MTX3: variants seen among roughly 807,000 people sequenced by gnomAD.
MTX3 encodes metaxin-3.
Under a neutral mutation model 42.5 loss-of-function variants are expected in MTX3, and 27 were observed. The ratio of observed to expected loss-of-function variants is 0.64; its 90% confidence interval spans 0.47 to 0.88. The LOEUF is 0.88. Ranked by LOEUF, MTX3 falls within the 40% of genes least tolerant of loss-of-function variation. The pLI is 0.00. For missense variants in MTX3, 378 were observed against 367.0 expected (o/e 1.03, Z -0.25); for synonymous variants, 144 against 132.9 (o/e 1.08, Z -0.57).
chr5:79,989,640 AT>A (rs1831581936), intron 3 of MTX3, among the ~76,000 whole-genome samples: 1 of 152,152 alleles, frequency 6.6e-6, no homozygotes, highest in Non-Finnish European at 1.5e-5. Flanking sequence ...TATTGACACA[AT>A]TTTTTTAAGT....
chr5:79,986,191 TC>T (rs984762156), intron 7 of MTX3, among the ~76,000 whole-genome samples: 1 of 152,200 alleles, frequency 6.6e-6, no homozygotes, highest in African/African-American at 2.4e-5. Flanking sequence ...TGTCAAATAA[TC>T]AGGTTTGCTA....
At chr5:79,991,090 G>A (rs1208797950) in intron 1 of MTX3, 68 bp downstream of exon 1, 2 of 1,443,048 alleles carry the variant, frequency 1.4e-6, no homozygotes, top group South Asian at 1.2e-5. Flanking sequence ...GGGAAACTGG[G>A]GCAAGTCAGC....
intron 1 of MTX3, 33 bp from the exon 2 acceptor site, chr5:79,990,696 C>G (rs372399409): frequency 8.5e-6 from 13 of 1,525,884 alleles, no homozygotes; most frequent in Admixed American, 1.7e-5. Flanking sequence ...ACATTTTAGA[C>G]CAAGTGCGTA....
chr5:79,985,444 A>G, intron 8 of MTX3, 127 bp downstream of exon 8: 1 of 674,780 alleles, frequency 1.5e-6, no homozygotes. Flanking sequence ...ATATTTAAAC[A>G]GTTTTCTGAA....
At position 79,991,229 on chromosome 5, in the gene MTX3, G is replaced by T; in HGVS notation, c.10C>A (p.Pro4Thr). ...CCTCCCCAGCAACTGAGTTCCAAGG[G>T]GGCCGCCATCTTGCGCGGGCCGACC... MAA[P>T]LELSCWGGGW... Residue 4 changes from proline (P) to threonine (T), a missense_variant, in exon 1 of 9, where the codon CCC becomes ACC. Coordinates refer to ENST00000512528, the MANE Select transcript of MTX3 (RefSeq NM_001363818.2). 1 of 1,457,368 alleles carries T rather than the reference G, an allele frequency of 6.9e-7. No homozygotes were observed. Among genetic ancestry groups the T allele is most frequent in the East Asian group, 2.5e-5 (1 of 39,472 alleles). The allele number at this position is 1,457,368 out of a possible 1,614,324, so 90.3% of individuals were successfully genotyped here. A position where few individuals can be genotyped will look rare whatever the true frequency, so the allele number is the denominator to read the frequency against.
intron 6 of MTX3, among the ~76,000 whole-genome samples, chr5:79,987,587 A>G (rs1315824544): frequency 2.6e-5 from 4 of 151,972 alleles, no homozygotes; most frequent in Non-Finnish European, 5.9e-5. Context: ...TATCCATTTC[A>G]GTTTACAAAA....
chr5:79,980,599 G>C lies in MTX3; in HGVS notation c.*3085C>G, dbSNP rs1024338564. 6.6e-6 allele frequency: 1 copy of C among 151,322 alleles called. No homozygotes were observed. Among genetic ancestry groups the C allele is most frequent in the African/African-American group, 2.4e-5 (1 of 41,200 alleles). The allele number at this position is 151,322 out of a possible 1,614,324, so 9.4% of individuals were successfully genotyped here. A position where few individuals can be genotyped will look rare whatever the true frequency, so the allele number is the denominator to read the frequency against. ...AAAAAAATCAATCTGATGGATGATT[G>C]ATGGTAGTTTGTTCATGGAAGATCT... On this transcript the variant is annotated 3_prime_UTR_variant, in exon 9 of 9. Transcript: ENST00000512528.
chr5:79,987,111 G>C lies in MTX3; in HGVS notation c.582-4C>G, dbSNP rs966885243. On this transcript the variant is annotated splice_polypyrimidine_tract_variant and splice_region_variant and intron_variant, in intron 6 of 8. Transcript: ENST00000512528. Reference sequence around the variant, plus strand: ...ATAGGCATCCAAGGTAGAAGGCCTAGAAATAAATTAAGGATTTTTAAAGCA... The same window carrying C: ...ATAGGCATCCAAGGTAGAAGGCCTACAAATAAATTAAGGATTTTTAAAGCA... 1.9e-6 allele frequency: 3 copies of C among 1,612,318 alleles called. No individual in the cohort carries two copies. The highest frequency in any genetic ancestry group is 3.4e-5 in the Admixed American group (2 of 59,688).
In MTX3 at chr5:79,977,847, G is replaced by C. The variant is rs1236538319; in HGVS notation, c.*5837C>G. 1 of 152,194 alleles carries C rather than the reference G, an allele frequency of 6.6e-6. No homozygotes were observed. The highest frequency in any genetic ancestry group is 2.4e-5 in the African/African-American group (1 of 41,454). 9.4% of individuals were successfully genotyped at this position (152,194 alleles called of 1,614,324 possible). A position where few individuals can be genotyped will look rare whatever the true frequency, so the allele number is the denominator to read the frequency against. Reference sequence around the variant, plus strand: ...GTATGTATCATACTAGCTTGTATGTGACTTTAGTGTCATAAACACCCATTG... The same window carrying C: ...GTATGTATCATACTAGCTTGTATGTCACTTTAGTGTCATAAACACCCATTG... On this transcript the variant is annotated 3_prime_UTR_variant, in exon 9 of 9. Coordinates refer to ENST00000512528, the MANE Select transcript of MTX3 (RefSeq NM_001363818.2).
chr5:79,990,343 A>G, intron 2 of MTX3, 107 bp from the exon 3 acceptor site: 1 of 785,674 alleles, frequency 1.3e-6, no homozygotes, highest in South Asian at 2.0e-5. Flanking sequence ...GGAAAAAATG[A>G]GTAAGCTTGT....
rs1360056145 is a variant in MTX3 at position 79,982,712 on chromosome 5, GATATGCATCTTATGAAAGA to G, written c.*953_*971del. ...GTTGTCAGAAAGCTTTTGACTACAT[GATATGCATCTTATGAAAGA>G]ATATGCATCTTATGAAAGAATATGA... On this transcript the variant is annotated 3_prime_UTR_variant, in exon 9 of 9. Coordinates refer to ENST00000512528, the MANE Select transcript of MTX3 (RefSeq NM_001363818.2). 2.1e-4 allele frequency: 47 copies of G among 222,468 alleles called. No individual in the cohort carries two copies. The South Asian group carries it at 2.3e-3, about 11-fold the overall frequency. 13.8% of individuals were successfully genotyped at this position (222,468 alleles called of 1,614,324 possible).
Position 79,990,611 on chromosome 5 carries a change from G to C in MTX3, c.134C>G (p.Thr45Ser). 1.2e-6 allele frequency: 2 copies of C among 1,611,436 alleles called. No homozygotes were observed. Among genetic ancestry groups the C allele is most frequent in the South Asian group, 2.2e-5 (2 of 90,710 alleles). ...APLKVNVIDN[T>S]WRGSRGDVPI... ...CACTATACCTCTTGAACCTCTCCAGGTGTTATCTATCACATTGACTTTCAA... is the reference window on the plus strand; with the variant it reads ...CACTATACCTCTTGAACCTCTCCAGCTGTTATCTATCACATTGACTTTCAA... Residue 45 changes from threonine (T) to serine (S), a missense_variant, in exon 2 of 9, where the codon ACC becomes AGC. Coordinates refer to ENST00000512528, the MANE Select transcript of MTX3 (RefSeq NM_001363818.2).
chr5:79,987,570 G>A (rs564227518), intron 6 of MTX3, among the ~76,000 whole-genome samples: 1 of 151,052 alleles, frequency 6.6e-6, no homozygotes, highest in South Asian at 2.1e-4. Flanking sequence ...TCTCTTAAAA[G>A]GTTTACTATC....
chr5:79,990,210 CTTCAG>C lies in MTX3; in HGVS notation c.173_177del (p.Thr58ArgfsTer20). ...TTTGCTGGCTGAGAAACCATGTCGT[CTTCAG>C]TTGTCAAAATTGGTACATCGCCTAT... On this transcript the variant is annotated frameshift_variant, in exon 3 of 9. Transcript: ENST00000512528. LOFTEE classifies it high-confidence loss of function. 6.2e-7 allele frequency: 1 copy of C among 1,609,878 alleles called. No individual in the cohort carries two copies. The highest frequency in any genetic ancestry group is 8.5e-7 in the Non-Finnish European group (1 of 1,178,142).
intron 6 of MTX3, 146 bp downstream of exon 6, chr5:79,988,093 A>G (rs1353741495): frequency 3.2e-6 from 2 of 620,350 alleles, no homozygotes; most frequent in Non-Finnish European, 5.8e-6. Flanking sequence ...CTGTGATTAC[A>G]GGTATGAGCC....
intron 8 of MTX3, among the ~76,000 whole-genome samples, chr5:79,984,553 G>T (rs1367539112): frequency 1.3e-5 from 2 of 151,278 alleles, no homozygotes; most frequent in Admixed American, 6.6e-5. Context: ...CTCAAAAACT[G>T]TTAGCCAGTG....
In MTX3 at chr5:79,988,612, G is replaced by GTA; in HGVS notation, c.352_353dup (p.Phe119ThrfsTer4). 6.3e-7 allele frequency: 1 copy of GTA among 1,597,132 alleles called. No homozygotes were observed. The highest frequency in any genetic ancestry group is 8.5e-7 in the Non-Finnish European group (1 of 1,171,346). On this transcript the variant is annotated frameshift_variant, in exon 5 of 9. Transcript: ENST00000512528. LOFTEE classifies it high-confidence loss of function. ...CAAACCATGGCTTTGTCACAGTAAA[G>GTA]TAATTGTCACTCTCAACCCAGAATG...
chr5:79,989,273 T>A, intron 3 of MTX3, 29 bp from the exon 4 acceptor site: 1 of 1,437,814 alleles, frequency 7.0e-7, no homozygotes, highest in South Asian at 1.3e-5. Flanking sequence ...CCAAAGAAAC[T>A]CAGAAGTCAA....
rs1453754553 is a variant in MTX3 at position 79,988,415 on chromosome 5, G to C, written c.504+47C>G. On this transcript the variant is annotated intron_variant, in intron 5 of 8. Coordinates refer to ENST00000512528, the MANE Select transcript of MTX3 (RefSeq NM_001363818.2). ...TAAACTCAAGTCTGCATTTTATCTT[G>C]TCCTTTCTCTCTAGGGCCCTTGCTT... is the stretch of plus-strand genomic sequence containing the variant. 2.5e-6 allele frequency: 4 copies of C among 1,575,760 alleles called. No homozygotes were observed. The Admixed American group carries it at 5.4e-5, about 21-fold the overall frequency.
Sources: allele counts gnomAD v4.1 joint callset (sites outside exome capture counted in the v4.1 genomes callset), GRCh38; gene constraint gnomAD v4.1.1; transcripts MANE v1.5; gene names NCBI Gene and HGNC (gene_info 2026-07-23, HGNC 2026-07-21).